Variants in EXOC4 observed in about 807,000 individuals in gnomAD.
EXOC4 encodes SEC8-like 1.
Under a neutral mutation model 107.2 loss-of-function variants are expected in EXOC4, and 71 were observed. The observed-to-expected ratio is 0.66, with a 90% CI of 0.55 to 0.81. The LOEUF (loss-of-function observed/expected upper bound fraction) is 0.81. Among genes scored for constraint, EXOC4 ranks in the 30% least tolerant of loss-of-function variants. The pLI, the probability that EXOC4 is intolerant of heterozygous loss-of-function variation, is 0.00. For missense variants in EXOC4, 1,108 were observed against 1,189.6 expected, an observed-to-expected ratio of 0.93 and a Z score of 1.01; for synonymous variants, 456 against 441.2, an observed-to-expected ratio of 1.03 and a Z score of -0.42.
intron 11 of EXOC4, among the ~76,000 whole-genome samples, chr7:133,877,506 G>A (rs1798874384): frequency 6.6e-6 from 1 of 152,114 alleles, no homozygotes; most frequent in African/African-American, 2.4e-5. Flanking sequence ...TTTACTCTAA[G>A]GCTAATTTGG....
chr7:134,069,104 T>A (rs374522776), downstream of EXOC4, among the ~76,000 whole-genome samples: 208 of 152,290 alleles, frequency 1.4e-3, no homozygotes, highest in African/African-American at 5.0e-3. Context: ...TCAGCCTGAC[T>A]CTGTGCACTC....
intron 14 of EXOC4, among the ~76,000 whole-genome samples, chr7:133,943,813 G>T (rs1176597738): frequency 1.3e-5 from 2 of 152,102 alleles, no homozygotes; most frequent in Non-Finnish European, 2.9e-5. Flanking sequence ...AAATAACCAT[G>T]GTTTCCCTTT....
chr7:133,320,084 CA>C (rs1795079118), intron 5 of EXOC4, among the ~76,000 whole-genome samples: 1 of 152,068 alleles, frequency 6.6e-6, no homozygotes, highest in Admixed American at 6.6e-5. Flanking sequence ...AAAGTTTACA[CA>C]GTTGACAAGT....
chr7:133,967,336 A>G (rs1450116344), intron 14 of EXOC4, among the ~76,000 whole-genome samples: 1 of 150,726 alleles, frequency 6.6e-6, no homozygotes, highest in Non-Finnish European at 1.5e-5. Flanking sequence ...ATTCTGCTCT[A>G]CTCTGATCTG....
chr7:133,516,373 A>G (rs1199839043), intron 9 of EXOC4, among the ~76,000 whole-genome samples: 1 of 152,070 alleles, frequency 6.6e-6, no homozygotes, highest in Admixed American at 6.5e-5. Flanking sequence ...TTTCTCCTCT[A>G]GTCTTAGGCA....
At chr7:133,960,549 C>A (rs1160181179) in intron 14 of EXOC4, among the ~76,000 whole-genome samples, 2 of 152,046 alleles carry the variant, frequency 1.3e-5, no homozygotes, top group Admixed American at 6.6e-5. Flanking sequence ...ATACACAAGT[C>A]AATAAATGTG....
At chr7:133,874,335 G>A (rs1044876447) in intron 11 of EXOC4, among the ~76,000 whole-genome samples, 4 of 152,186 alleles carry the variant, frequency 2.6e-5, no homozygotes, top group African/African-American at 9.7e-5. Flanking sequence ...TTTGGAATGA[G>A]CTAGAATGCT....
intron 17 of EXOC4, among the ~76,000 whole-genome samples, chr7:134,058,727 G>T (rs1336947555): frequency 6.6e-6 from 1 of 152,184 alleles, no homozygotes; most frequent in Non-Finnish European, 1.5e-5. Context: ...AGACTCAAAT[G>T]AGTCAGCGAT....
chr7:133,380,699 A>G (rs918492260), intron 7 of EXOC4, among the ~76,000 whole-genome samples: 1 of 152,218 alleles, frequency 6.6e-6, no homozygotes, highest in African/African-American at 2.4e-5. Flanking sequence ...AGAGGTATCA[A>G]TTATGTGTTA....
chr7:133,345,360 A>G (rs761518041), intron 5 of EXOC4, among the ~76,000 whole-genome samples: 4 of 152,188 alleles, frequency 2.6e-5, no homozygotes, highest in Middle Eastern at 3.2e-3. Context: ...ACATCTTGCC[A>G]TCTCCCTGAG....
chr7:133,499,001 C>T (rs974919165), intron 9 of EXOC4, among the ~76,000 whole-genome samples: 1 of 151,598 alleles, frequency 6.6e-6, no homozygotes, highest in African/African-American at 2.4e-5. Flanking sequence ...AATTTTATAT[C>T]GTGCTTATTA....
chr7:133,855,165 A>ATAAATATATATATAAATATATATT (rs1563028697), intron 11 of EXOC4, among the ~76,000 whole-genome samples: 3 of 136,638 alleles, frequency 2.2e-5, no homozygotes, highest in African/African-American at 8.9e-5. Flanking sequence ...AAATATATAT[A>ATAAATATATATATAAATATATATT]TTTTTTTTAT....
At chr7:134,003,353 T>C (rs1240220700) in intron 15 of EXOC4, among the ~76,000 whole-genome samples, 1 of 152,190 alleles carries the variant, frequency 6.6e-6, no homozygotes, top group South Asian at 2.1e-4. Flanking sequence ...GTTTGTGTTC[T>C]GTAATTTGGT....
chr7:133,911,509 T>C (rs1195878504), intron 12 of EXOC4, among the ~76,000 whole-genome samples: 1 of 152,204 alleles, frequency 6.6e-6, no homozygotes, highest in African/African-American at 2.4e-5. Flanking sequence ...TAGTAGCCTT[T>C]TCATTCATTT....
At chr7:133,551,052 G>A (rs1038239719) in intron 9 of EXOC4, among the ~76,000 whole-genome samples, 7 of 151,986 alleles carry the variant, frequency 4.6e-5, no homozygotes, top group East Asian at 1.9e-4. Flanking sequence ...TAATGATTTC[G>A]TACTTGCCTA....
intron 9 of EXOC4, among the ~76,000 whole-genome samples, chr7:133,538,017 G>A (rs1800307072): frequency 6.6e-6 from 1 of 152,004 alleles, no homozygotes; most frequent in African/African-American, 2.4e-5. Flanking sequence ...ACTTTCTTGT[G>A]ACTGACAGGT....
chr7:134,076,422 G>A, the EXOC4 span, among the ~76,000 whole-genome samples: 1 of 152,102 alleles, frequency 6.6e-6, no homozygotes, highest in Non-Finnish European at 1.5e-5. Flanking sequence ...GGACGCTGAG[G>A]CAGGAGAATG....
At chr7:133,686,641 G>A (rs1250784844) in intron 10 of EXOC4, among the ~76,000 whole-genome samples, 1 of 152,060 alleles carries the variant, frequency 6.6e-6, no homozygotes, top group Non-Finnish European at 1.5e-5. Flanking sequence ...AATGATCAGG[G>A]AAATGCAAAT....
At chr7:133,918,846 A>G (rs1254754609) in intron 13 of EXOC4, among the ~76,000 whole-genome samples, 1 of 152,190 alleles carries the variant, frequency 6.6e-6, no homozygotes, top group African/African-American at 2.4e-5. Context: ...AGTGGTAAAA[A>G]TAAAATAAAA....
Sources: gnomAD v4.1 joint callset for allele counts (sites outside exome capture counted in the v4.1 genomes callset) on GRCh38, gnomAD v4.1.1 for gene constraint, MANE v1.5 for transcripts, NCBI Gene and HGNC (gene_info 2026-07-23, HGNC 2026-07-21) for gene names.